Variants in GOSR1 observed in about 807,000 individuals in gnomAD.
GOSR1 encodes golgi SNAP receptor complex member 1, also known as 28 kDa Golgi SNARE protein.
GOSR1 carries 21 observed loss-of-function variants against 35.5 expected under a neutral mutation model. The ratio of observed to expected loss-of-function variants is 0.59; its 90% CI spans 0.42 to 0.85. The LOEUF is 0.85. GOSR1 is among the 40% of genes least tolerant of loss of function. The pLI is 0.00. For synonymous variants in GOSR1, 94 were observed against 106.6 expected (o/e 0.88, Z 0.73); for missense variants, 285 against 309.6 (o/e 0.92, Z 0.60).
chr17:30,516,782 C>T (rs535222941), intron 7 of GOSR1, among the ~76,000 whole-genome samples: 1 of 152,268 alleles, frequency 6.6e-6, no homozygotes, highest in East Asian at 1.9e-4. Context: ...GGCGCGATCT[C>T]AGCTCACTGC....
intron 4 of GOSR1, among the ~76,000 whole-genome samples, chr17:30,488,739 T>C (rs941574958): frequency 7.9e-5 from 12 of 151,710 alleles, no homozygotes; most frequent in African/African-American, 2.9e-4. Context: ...GGTTTCGCCA[T>C]GTTGGCCAAG....
intron 8 of GOSR1, 113 bp from the exon 9 acceptor site, chr17:30,522,141 C>T: frequency 1.2e-6 from 1 of 823,452 alleles, no homozygotes; most frequent in Non-Finnish European, 1.9e-6. Flanking sequence ...AGTTTCTTCC[C>T]CATGCCTTTC....
In GOSR1 at chr17:30,477,426, C is replaced by G. The variant is rs373405179; in HGVS notation, c.-8C>G. On this transcript the variant is annotated 5_prime_UTR_variant, in exon 1 of 9. Transcript: ENST00000451249. ...CTCCCCTATCCCGGCTGACGTTGGA[C>G]GACAAAGATGGCGGCAGGGACCAGC... 3.2e-5 allele frequency: 51 copies of G among 1,608,798 alleles called. No individual in the cohort carries two copies. Among genetic ancestry groups the G allele is most frequent in the Non-Finnish European group, 3.9e-5 (46 of 1,177,012 alleles).
intron 6 of GOSR1, among the ~76,000 whole-genome samples, chr17:30,495,003 C>G (rs1256581800): frequency 6.7e-6 from 1 of 149,986 alleles, no homozygotes; most frequent in African/African-American, 2.5e-5. Flanking sequence ...TTCTGGCCAA[C>G]ATGGTGAAAA....
chr17:30,503,969 G>A (rs567377512), intron 6 of GOSR1, among the ~76,000 whole-genome samples: 41 of 151,818 alleles, frequency 2.7e-4, no homozygotes, highest in African/African-American at 9.4e-4. Flanking sequence ...CCCTTCTTCT[G>A]TAGGGTAGCA....
chr17:30,493,020 G>A (rs1915140243), intron 6 of GOSR1, among the ~76,000 whole-genome samples: 1 of 149,360 alleles, frequency 6.7e-6, no homozygotes, highest in African/African-American at 2.5e-5. Flanking sequence ...CTGAGATGGA[G>A]TCTCGCTCCG....
At chr17:30,480,539 T>C (rs1483567131) in intron 1 of GOSR1, among the ~76,000 whole-genome samples, 1 of 152,166 alleles carries the variant, frequency 6.6e-6, no homozygotes, top group Non-Finnish European at 1.5e-5. Flanking sequence ...ATTTTAGTTA[T>C]TGCTATACAA....
At position 30,481,165 on chromosome 17, in the gene GOSR1, G is replaced by C; in HGVS notation, c.54G>C (p.Gln18His). 6.3e-7 allele frequency: 1 copy of C among 1,599,024 alleles called. No individual in the cohort carries two copies. The highest frequency in any genetic ancestry group is 1.1e-5 in the South Asian group (1 of 90,798). ...YWEDLRKQAR[Q>H]LENELDLKLV... Reference sequence around the variant, plus strand: ...AAGATCTCAGGAAACAGGCTCGACAGCTGGAAAATGAACTTGACCTGAAAC... The same window carrying C: ...AAGATCTCAGGAAACAGGCTCGACACCTGGAAAATGAACTTGACCTGAAAC... The change falls in exon 2 of 9, where the codon CAG becomes CAC. Residue 18 changes from glutamine to histidine, a missense_variant. Gln to His is a conservative substitution (Grantham distance 24). Transcript: ENST00000451249.
intron 6 of GOSR1, among the ~76,000 whole-genome samples, chr17:30,499,636 C>G (rs1967131362): frequency 6.6e-6 from 1 of 152,176 alleles, no homozygotes; most frequent in Admixed American, 6.5e-5. Flanking sequence ...CCACTGTACC[C>G]TGCCGTTCTC....
chr17:30,489,133 C>A (rs557118368), intron 4 of GOSR1, among the ~76,000 whole-genome samples: 1 of 152,232 alleles, frequency 6.6e-6, no homozygotes, highest in East Asian at 1.9e-4. Flanking sequence ...CCTGTAATCC[C>A]AGCATTTTGG....
intron 1 of GOSR1, 77 bp from the exon 2 acceptor site, chr17:30,481,066 G>C (rs1269888177): frequency 1.1e-6 from 1 of 948,432 alleles, no homozygotes. Context: ...TTCATAGTTT[G>C]TTTTCTTTAG....
chr17:30,480,594 T>C (rs1269467009), intron 1 of GOSR1, among the ~76,000 whole-genome samples: 1 of 152,214 alleles, frequency 6.6e-6, no homozygotes, highest in Non-Finnish European at 1.5e-5. Flanking sequence ...CTAGCCATCT[T>C]TGGAGTAAAG....
chr17:30,492,808 A>C, intron 6 of GOSR1, 55 bp downstream of exon 6: 1 of 992,702 alleles, frequency 1.0e-6, no homozygotes, highest in Non-Finnish European at 1.6e-6. Context: ...TAATTCATTT[A>C]CTTATGTAAC....
chr17:30,485,750 A>G, intron 4 of GOSR1, among the ~76,000 whole-genome samples: 1 of 152,208 alleles, frequency 6.6e-6, no homozygotes, highest in South Asian at 2.1e-4. Flanking sequence ...GGCCGGGCGC[A>G]GTGGCTCGTG....
chr17:30,501,643 G>A (rs554583522), intron 6 of GOSR1, among the ~76,000 whole-genome samples: 12 of 151,942 alleles, frequency 7.9e-5, no homozygotes, highest in Non-Finnish European at 8.8e-5. Context: ...TTACAGGTGC[G>A]TGCCACCACA....
chr17:30,492,698 G>A lies in GOSR1; in HGVS notation c.454G>A (p.Gly152Arg). The A allele has an allele frequency of 6.3e-7, 1 of 1,599,106 alleles. No individual in the cohort carries two copies. The highest frequency in any genetic ancestry group is 8.6e-7 in the Non-Finnish European group (1 of 1,167,190). ...TCCCAGGTCATATAAAAGTGGGTCT[G>A]GAGTAAACAACAGAAGAACTGAGCT... ...KDIESYKSGS[G>R]VNNRRTELFL... Residue 152 changes from glycine to arginine, a missense_variant, in exon 6 of 9, where the codon GGA becomes AGA. Physicochemically the swap from Gly to Arg is moderately radical, Grantham distance 125. Coordinates refer to ENST00000451249, the MANE Select transcript of GOSR1 (RefSeq NM_001007025.2).
intron 7 of GOSR1, among the ~76,000 whole-genome samples, chr17:30,513,748 C>T (rs1016711871): frequency 1.3e-5 from 2 of 152,072 alleles, no homozygotes; most frequent in Admixed American, 1.3e-4. Flanking sequence ...GCCAGAAACT[C>T]GAGTCAGCCA....
At chr17:30,522,044 C>A (rs999698361) in intron 8 of GOSR1, among the ~76,000 whole-genome samples, 1 of 152,174 alleles carries the variant, frequency 6.6e-6, no homozygotes, top group African/African-American at 2.4e-5. Flanking sequence ...ACACACAAGA[C>A]TGGGAGATGT....
At chr17:30,507,879 G>C (rs1967463986) in intron 6 of GOSR1, among the ~76,000 whole-genome samples, 1 of 152,180 alleles carries the variant, frequency 6.6e-6, no homozygotes, top group African/African-American at 2.4e-5. Flanking sequence ...TACTGGTGAA[G>C]ACGCTGTAAA....
Sources: allele counts gnomAD v4.1 joint callset (sites outside exome capture counted in the v4.1 genomes callset), GRCh38; gene constraint gnomAD v4.1.1; transcripts MANE v1.5; gene names NCBI Gene and HGNC (gene_info 2026-07-23, HGNC 2026-07-21).